Variants in C5 observed in about 807,000 individuals in gnomAD.
C5 encodes C3 and PZP-like alpha-2-macroglobulin domain-containing protein 4.
A neutral mutation model predicts 218.8 loss-of-function variants in C5; 140 were observed. The observed-to-expected ratio is 0.64, with a 90% CI of 0.56 to 0.74. The LOEUF is 0.74. C5 is among the 30% of genes least tolerant of loss of function. The pLI, the probability that C5 is intolerant of heterozygous loss-of-function variation, is 0.00. For synonymous variants in C5, 614 were observed against 682.3 expected (o/e 0.90, Z 1.56); for missense variants, 1,700 against 1,969.6 (o/e 0.86, Z 2.59).
chr9:121,072,859 CCTCTT>C, the C5 span, among the ~76,000 whole-genome samples: 1 of 150,918 alleles, frequency 6.6e-6, no homozygotes, highest in Non-Finnish European at 1.5e-5. Flanking sequence ...AATGTAATCT[CCTCTT>C]AAGTGGAGCT....
At chr9:121,011,347 T>A (rs550864013) in intron 17 of C5, among the ~76,000 whole-genome samples, 1 of 152,132 alleles carries the variant, frequency 6.6e-6, no homozygotes, top group African/African-American at 2.4e-5. Context: ...AAAGAAGACA[T>A]ACAAATGGCA....
chr9:121,046,395 G>C lies in C5; in HGVS notation c.66-12C>G. On this transcript the variant is annotated splice_polypyrimidine_tract_variant and intron_variant, in intron 1 of 40. Coordinates refer to ENST00000223642, the MANE Select transcript of C5 (RefSeq NM_001735.3). Reference sequence around the variant, plus strand: ...CTGAAATGACATATCTGTTGAAAAAGGAAAAGATAAGGCTCAATGTCTTTA... The same window carrying C: ...CTGAAATGACATATCTGTTGAAAAACGAAAAGATAAGGCTCAATGTCTTTA... 6.3e-7 allele frequency: 1 copy of C among 1,592,478 alleles called. No homozygotes were observed. The highest frequency in any genetic ancestry group is 2.2e-5 in the East Asian group (1 of 44,576).
intron 33 of C5, among the ~76,000 whole-genome samples, chr9:120,968,558 A>C (rs530292081): frequency 2.0e-5 from 3 of 152,332 alleles, no homozygotes; most frequent in Admixed American, 2.0e-4. Flanking sequence ...CTCGGTATTT[A>C]GTTGGGAGAG....
At chr9:121,066,635 G>A in the C5 span, among the ~76,000 whole-genome samples, 11 of 150,784 alleles carry the variant, frequency 7.3e-5, no homozygotes, top group African/African-American at 2.4e-4. Flanking sequence ...ACCTGAGGTC[G>A]GGAGTTCGAG....
intron 25 of C5, among the ~76,000 whole-genome samples, chr9:120,986,652 TC>T (rs1040197050): frequency 2.6e-5 from 4 of 152,204 alleles, no homozygotes; most frequent in African/African-American, 9.6e-5. Context: ...GGCATCTATT[TC>T]CCAGGTCCTG....
intron 40 of C5, 112 bp from the exon 41 acceptor site, chr9:120,952,980 G>T (rs1419101456): frequency 3.0e-5 from 34 of 1,137,980 alleles, no homozygotes; most frequent in African/African-American, 3.1e-5. Flanking sequence ...CTGGAGTGCA[G>T]TGGCGTGATC....
Position 120,952,798 on chromosome 9 carries a change from G to A in C5, c.4972C>T (p.Gln1658Ter). 3 of 1,613,792 alleles carry A rather than the reference G, an allele frequency of 1.9e-6. No homozygotes were observed. Among genetic ancestry groups the A allele is most frequent in the Non-Finnish European group, 2.5e-6 (3 of 1,179,732 alleles). Reference protein sequence around the residue: ...WPRDTTCSSCQAFLANLDEFA... With the variant: ...WPRDTTCSSC ...TCATCTAAATTAGCTAAAAATGCTT[G>A]ACACGATGAACATGTTGTGTCTCTA... The change falls in exon 41 of 41, where the codon CAA becomes TAA. Residue 1658 changes from glutamine to a stop codon, truncating the protein, a stop_gained. Coordinates refer to ENST00000223642, the MANE Select transcript of C5 (RefSeq NM_001735.3). LOFTEE classifies it high-confidence loss of function.
chr9:121,023,383 C>G, intron 10 of C5, 21 bp downstream of exon 10: 1 of 1,377,184 alleles, frequency 7.3e-7, no homozygotes, highest in Non-Finnish European at 1.0e-6. Context: ...GTAGCAACGT[C>G]TACCCCCTCA....
chr9:121,008,932 A>ACAAT (rs756718284), intron 17 of C5, among the ~76,000 whole-genome samples: 16 of 150,876 alleles, frequency 1.1e-4, no homozygotes, highest in Non-Finnish European at 2.1e-4. Flanking sequence ...TCTGTCACAA[A>ACAAT]CAAACAAACA....
chr9:120,975,816 A>G (rs1316920273), intron 29 of C5, among the ~76,000 whole-genome samples: 1 of 152,204 alleles, frequency 6.6e-6, no homozygotes, highest in East Asian at 1.9e-4. Context: ...GCAACACACA[A>G]TGGACTAAGG....
rs117905273 is a variant in C5, at chr9:121,005,430, G to A, written c.2562+489C>T. Among the ~76,000 whole-genome samples, 11 of 152,312 alleles carry A rather than the reference G, an allele frequency of 7.2e-5. No individual in the cohort carries two copies. In the East Asian group the frequency reaches 2.1e-3, roughly 29 times the overall value. On this transcript the variant is annotated intron_variant, in intron 20 of 40. Coordinates refer to ENST00000223642, the MANE Select transcript of C5 (RefSeq NM_001735.3). ...GTTTCAGTGATGCTACTGACCCAGA[G>A]CTATGGAAGTAATCTGGTTAATGAG...
intron 5 of C5, among the ~76,000 whole-genome samples, chr9:121,034,135 G>C (rs928143298): frequency 6.6e-6 from 1 of 152,144 alleles, no homozygotes; most frequent in Non-Finnish European, 1.5e-5. Context: ...GGCCAGGCTG[G>C]TCTCAAATTC....
intron 37 of C5, among the ~76,000 whole-genome samples, chr9:120,960,985 A>G (rs531109215): frequency 1.3e-5 from 2 of 152,142 alleles, no homozygotes; most frequent in South Asian, 4.2e-4. Flanking sequence ...GAGGATTTTG[A>G]AAAAACCAAA....
chr9:121,013,575 G>A (rs1021263561), intron 17 of C5, among the ~76,000 whole-genome samples: 1 of 152,152 alleles, frequency 6.6e-6, no homozygotes, highest in South Asian at 2.1e-4. Context: ...ATATTGGAGA[G>A]GATCTGGTCG....
At chr9:121,048,536 C>T (rs189583548) in intron 1 of C5, among the ~76,000 whole-genome samples, 1 of 152,334 alleles carries the variant, frequency 6.6e-6, no homozygotes. Flanking sequence ...TCCATGGAAA[C>T]ATTGTCTTCC....
chr9:120,996,424 T>C (rs988692319), intron 21 of C5, 124 bp from the exon 22 acceptor site: 2 of 805,332 alleles, frequency 2.5e-6, no homozygotes, highest in Non-Finnish European at 4.4e-6. Flanking sequence ...AGGCAAACTA[T>C]GTATAAATAC....
chr9:120,991,195 T>C lies in C5; in HGVS notation c.2937A>G (p.Val979=). The C allele has an allele frequency of 6.3e-7, 1 of 1,577,302 alleles. No individual in the cohort carries two copies. Among genetic ancestry groups the C allele is most frequent in the Non-Finnish European group, 8.7e-7 (1 of 1,146,444 alleles). The stretch of plus-strand genomic sequence containing the variant: ...AAATGGCATTTGTTAATTTACCTTT[T>C]ACACTCAAAATCCTTTTGATTTCTG... The part of the protein sequence containing the change: ...PKTEIKRILS[V]KGLLVGEILS... The change falls in exon 23 of 41, where the codon GTA becomes GTG. Residue 979 remains valine, a synonymous_variant. Transcript: ENST00000223642.
chr9:120,971,942 C>T lies in C5; in HGVS notation c.4068G>A (p.Leu1356=), dbSNP rs766619521. The part of the protein sequence containing the change: ...LIVSTGFGSG[L]ATVHVTTVVH... ...ATTAAATACTTACATGTACTGTAGC[C>T]AAGCCACTGCCAAATCCTGTACTGA... Residue 1356 remains leucine (L), a synonymous_variant, in exon 31 of 41, where the codon TTG becomes TTA. Coordinates refer to ENST00000223642, the MANE Select transcript of C5 (RefSeq NM_001735.3). The T allele has an allele frequency of 1.1e-5, 18 of 1,612,336 alleles. No homozygotes were observed. The highest frequency in any genetic ancestry group is 1.5e-5 in the Non-Finnish European group (18 of 1,178,696).
intron 4 of C5, among the ~76,000 whole-genome samples, chr9:121,037,179 C>T (rs1269044771): frequency 6.6e-6 from 1 of 151,690 alleles, no homozygotes; most frequent in Admixed American, 6.6e-5. Context: ...AGAGTAAGTA[C>T]CATTAAATAT....
Sources: allele counts gnomAD v4.1 joint callset (sites outside exome capture counted in the v4.1 genomes callset), GRCh38; gene constraint gnomAD v4.1.1; transcripts MANE v1.5; gene names NCBI Gene and HGNC (gene_info 2026-07-23, HGNC 2026-07-21).